Variants in COMMD10 observed in about 807,000 individuals in gnomAD.
The protein encoded by COMMD10 is COMM domain containing 10.
COMMD10 carries 33 observed loss-of-function variants against 28.9 expected under a neutral mutation model. The ratio of observed to expected loss-of-function variants is 1.14; its 90% CI spans 0.87 to 1.53. COMMD10 has a LOEUF of 1.53. Ranked by LOEUF, COMMD10 falls within the 40% of genes most tolerant of loss-of-function variation. The probability of loss-of-function intolerance (pLI) is 0.00; values close to 1 mark genes in which losing one functional copy is unlikely to be tolerated. For missense variants in COMMD10, 310 were observed against 233.4 expected (o/e 1.33, Z -2.14); for synonymous variants, 110 against 81.7 (o/e 1.35, Z -1.87).
chr5:116,250,820 C>G (rs1750091182), intron 5 of COMMD10, among the ~76,000 whole-genome samples: 1 of 151,972 alleles, frequency 6.6e-6, no homozygotes, highest in African/African-American at 2.4e-5. Flanking sequence ...ATATCTGCAA[C>G]TGGGACAATT....
At position 116,286,158 on chromosome 5, in the gene COMMD10, A is replaced by G. The variant is rs78171998; in HGVS notation, c.511-5359A>G. Among the ~76,000 whole-genome samples, 749 of 151,828 alleles carry G rather than the reference A, an allele frequency of 4.9e-3. 19 individuals carry two copies. The highest frequency in any genetic ancestry group is 0.017 in the African/African-American group (703 of 41,234). ...AACTTGTTAGCAAACAGTTGTTCAT[A>G]GTGGTCTTTTATAACACTTTTTTAT... is the stretch of plus-strand genomic sequence containing the variant. On this transcript the variant is annotated intron_variant, in intron 5 of 6. Transcript: ENST00000274458.
At chr5:116,121,494 C>A (rs1274153719) in intron 4 of COMMD10, among the ~76,000 whole-genome samples, 1 of 152,154 alleles carries the variant, frequency 6.6e-6, no homozygotes, top group Non-Finnish European at 1.5e-5. Context: ...TGGGTATATA[C>A]CCAGTAATGG....
intron 4 of COMMD10, among the ~76,000 whole-genome samples, chr5:116,111,307 A>C (rs1751035969): frequency 6.6e-6 from 1 of 151,472 alleles, no homozygotes; most frequent in South Asian, 2.1e-4. Flanking sequence ...TACTTCTGCT[A>C]ATTTTGTGTT....
At chr5:116,136,063 T>C (rs988792063) in intron 5 of COMMD10, among the ~76,000 whole-genome samples, 2 of 152,200 alleles carry the variant, frequency 1.3e-5, no homozygotes, top group African/African-American at 4.8e-5. Flanking sequence ...AATAAAACTT[T>C]TTTGTTTTTG....
At position 116,288,220 on chromosome 5, in the gene COMMD10, G is replaced by GT. The variant is rs1030235220; in HGVS notation, c.511-3290dup. ...CCAGATGCAGTATTCCTGATTAATA[G>GT]TTTTTTTGTTTTTGTTTTTGTTTCC... On this transcript the variant is annotated intron_variant, in intron 5 of 6. Coordinates refer to ENST00000274458, the MANE Select transcript of COMMD10 (RefSeq NM_016144.4). 4.0e-5 allele frequency among the ~76,000 whole-genome samples: 6 copies of GT among 151,612 alleles called. 1 individual carries two copies. Among genetic ancestry groups the GT allele is most frequent in the Admixed American group, 1.3e-4 (2 of 15,216 alleles).
chr5:116,164,793 T>C (rs1753039159), intron 5 of COMMD10, among the ~76,000 whole-genome samples: 1 of 152,126 alleles, frequency 6.6e-6, no homozygotes, highest in Admixed American at 6.5e-5. Context: ...ATAATGTTCT[T>C]AGGGGGGTTG....
chr5:116,197,963 A>G (rs1182347579), intron 5 of COMMD10, among the ~76,000 whole-genome samples: 1 of 152,146 alleles, frequency 6.6e-6, no homozygotes, highest in African/African-American at 2.4e-5. Flanking sequence ...TATTACCTGG[A>G]AGGCTTTACA....
At chr5:116,219,804 G>A (rs1749198652) in intron 5 of COMMD10, among the ~76,000 whole-genome samples, 1 of 152,096 alleles carries the variant, frequency 6.6e-6, no homozygotes, top group Non-Finnish European at 1.5e-5. Flanking sequence ...GTAATCTTAT[G>A]GTTTTGAATC....
At chr5:116,147,911 C>G (rs1752397851) in intron 5 of COMMD10, among the ~76,000 whole-genome samples, 1 of 151,816 alleles carries the variant, frequency 6.6e-6, no homozygotes, top group African/African-American at 2.4e-5. Flanking sequence ...AGTTGTCTTT[C>G]CCCATAAAGC....
intron 5 of COMMD10, among the ~76,000 whole-genome samples, chr5:116,205,190 G>A (rs1224213335): frequency 6.6e-6 from 1 of 152,108 alleles, no homozygotes; most frequent in African/African-American, 2.4e-5. Flanking sequence ...AGAGGAAGGG[G>A]TCTCTTCATA....
intron 5 of COMMD10, among the ~76,000 whole-genome samples, chr5:116,234,132 G>A (rs546780518): frequency 1.3e-5 from 2 of 152,270 alleles, no homozygotes; most frequent in Non-Finnish European, 2.9e-5. Flanking sequence ...AAAGACTAGG[G>A]TTTGAGTGGA....
intron 5 of COMMD10, among the ~76,000 whole-genome samples, chr5:116,237,932 T>G (rs12654321): frequency 0.6 from 90,576 of 151,990 alleles, 31,186 homozygotes; most frequent in South Asian, 0.77. Context: ...TGTCGTCGTT[T>G]CAAAGCAATT....
intron 4 of COMMD10, among the ~76,000 whole-genome samples, chr5:116,116,076 A>G (rs910452984): frequency 1.3e-5 from 2 of 152,178 alleles, no homozygotes; most frequent in Non-Finnish European, 2.9e-5. Context: ...ATAAACTATT[A>G]TATAGTGAAA....
intron 5 of COMMD10, among the ~76,000 whole-genome samples, chr5:116,260,848 A>G (rs1750422128): frequency 2.6e-5 from 4 of 151,826 alleles, no homozygotes; most frequent in Admixed American, 2.6e-4. Flanking sequence ...AGAGAGTAAG[A>G]AAATATTTAC....
chr5:116,115,665 G>A (rs1751208932), intron 4 of COMMD10, among the ~76,000 whole-genome samples: 1 of 152,032 alleles, frequency 6.6e-6, no homozygotes, highest in African/African-American at 2.4e-5. Flanking sequence ...TGAATGCTAT[G>A]TTTAATTTTA....
At chr5:116,274,616 A>G (rs1750852590) in intron 5 of COMMD10, among the ~76,000 whole-genome samples, 1 of 151,782 alleles carries the variant, frequency 6.6e-6, no homozygotes. Flanking sequence ...TTTTGCCAAT[A>G]TCAGTAACAT....
chr5:116,197,047 CAAG>C (rs1748542105), intron 5 of COMMD10, among the ~76,000 whole-genome samples: 1 of 152,088 alleles, frequency 6.6e-6, no homozygotes, highest in Admixed American at 6.6e-5. Context: ...AGTATATAAT[CAAG>C]AAACTTTAGT....
intron 5 of COMMD10, among the ~76,000 whole-genome samples, chr5:116,263,077 A>C (rs1750491027): frequency 6.6e-6 from 1 of 151,874 alleles, no homozygotes; most frequent in Non-Finnish European, 1.5e-5. Context: ...CATGATTTAA[A>C]ATGCTATGGT....
chr5:116,189,645 C>A (rs1369130380), intron 5 of COMMD10, among the ~76,000 whole-genome samples: 1 of 152,132 alleles, frequency 6.6e-6, no homozygotes, highest in Non-Finnish European at 1.5e-5. Flanking sequence ...TTGGCAATAT[C>A]TTATTATGAT....
Sources: gnomAD v4.1 joint callset for allele counts (sites outside exome capture counted in the v4.1 genomes callset) on GRCh38, gnomAD v4.1.1 for gene constraint, MANE v1.5 for transcripts, NCBI Gene and HGNC (gene_info 2026-07-23, HGNC 2026-07-21) for gene names.